TNRC18: variants seen among roughly 807,000 people sequenced by gnomAD.
TNRC18 encodes the protein trinucleotide repeat containing 18, also known as trinucleotide repeat-containing gene 18 protein.
TNRC18 carries 69 observed loss-of-function variants against 226.7 expected under a neutral mutation model. The observed-to-expected ratio is 0.30, with a 90% CI of 0.25 to 0.37. The LOEUF is 0.37. Ranked by LOEUF, TNRC18 falls within the 10% of genes least tolerant of loss-of-function variation. The probability of loss-of-function intolerance (pLI) is 1.00; values close to 1 mark genes in which losing one functional copy is unlikely to be tolerated. For synonymous variants in TNRC18, 2,449 were observed against 1,927.6 expected (o/e 1.27, Z -7.09); for missense variants, 4,754 against 4,256.6 (o/e 1.12, Z -3.25).
chr7:5,372,233 AATTT>A (rs1044450416), intron 10 of TNRC18, among the ~76,000 whole-genome samples: 4 of 148,922 alleles, frequency 2.7e-5, no homozygotes, highest in African/African-American at 7.6e-5. Flanking sequence ...ATGCCTGGCT[AATTT>A]TTTTTTTTTT....
intron 2 of TNRC18, chr7:5,420,756 C>T (rs1450920583): frequency 1.6e-6 from 1 of 624,820 alleles, no homozygotes; most frequent in Non-Finnish European, 3.0e-6. Context: ...AAAACTCCAG[C>T]CCAGGCTCGT....
chr7:5,308,053 G>C lies in TNRC18; in HGVS notation c.*53C>G. 6.7e-7 allele frequency: 1 copy of C among 1,496,910 alleles called. No individual in the cohort carries two copies. The highest frequency in any genetic ancestry group is 1.4e-5 in the African/African-American group (1 of 71,906). 92.7% of individuals were successfully genotyped at this position (1,496,910 alleles called of 1,614,324 possible). ...GTCTCCGCGCCATGGCAGTGATGGA[G>C]ATGGGTCCCTGGCCGCCCTCGGGGC... is the stretch of plus-strand genomic sequence containing the variant. On this transcript the variant is annotated 3_prime_UTR_variant, in exon 30 of 30. Coordinates refer to ENST00000430969, the MANE Select transcript of TNRC18 (RefSeq NM_001080495.3).
Position 5,307,968 on chromosome 7 carries a change from GTGCACACCTGGCCCCA to G in TNRC18, c.*122_*137del, listed in dbSNP as rs1405746431. Reference sequence around the variant, plus strand: ...CACACACACTCACCCGGGCATCCACGTGCACACCTGGCCCCATGCACACGCCTGCAGGAGCGCTCGC... The same window carrying G: ...CACACACACTCACCCGGGCATCCACGTGCACACGCCTGCAGGAGCGCTCGC... On this transcript the variant is annotated 3_prime_UTR_variant, in exon 30 of 30. Coordinates refer to ENST00000430969, the MANE Select transcript of TNRC18 (RefSeq NM_001080495.3). 5 of 753,962 alleles carry G rather than the reference GTGCACACCTGGCCCCA, an allele frequency of 6.6e-6. No homozygotes were observed. The highest frequency in any genetic ancestry group is 1.8e-5 in the South Asian group (1 of 56,868). 46.7% of individuals were successfully genotyped at this position (753,962 alleles called of 1,614,324 possible).
chr7:5,320,764 T>C, intron 22 of TNRC18, 157 bp from the exon 23 acceptor site: 1 of 679,946 alleles, frequency 1.5e-6, no homozygotes, highest in East Asian at 2.7e-5. Context: ...CCCCCTTTTC[T>C]GGGTTCATTT....
chr7:5,388,493 G>A lies in TNRC18; in HGVS notation c.1331C>T (p.Ala444Val), dbSNP rs1283279676. The A allele has an allele frequency of 7.4e-7, 1 of 1,351,144 alleles. No individual in the cohort carries two copies. The allele number at this position is 1,351,144 out of a possible 1,614,324, so 83.7% of individuals were successfully genotyped here. ...GGCGCGTGTGGCCCGCACCGTGGGG[G>A]CATCCGCGGGGGGCGGCCGCTTGAG... ...RSLKRPPPAD[A>V]PTVRATRASP... Residue 444 changes from alanine (A) to valine (V), a missense_variant, in exon 5 of 30, where the codon GCC (alanine) becomes GTC (valine). Coordinates refer to ENST00000430969, the MANE Select transcript of TNRC18 (RefSeq NM_001080495.3).
rs959181818 is a variant in TNRC18 at position 5,327,407 on chromosome 7, G to C, written c.6148-2159C>G. Among the ~76,000 whole-genome samples the C allele has an allele frequency of 6.9e-3, 970 of 141,444 alleles. 12 individuals carry two copies. Among genetic ancestry groups the C allele is most frequent in the African/African-American group, 0.023 (898 of 38,336 alleles). 92.8% of individuals were successfully genotyped at this position (141,444 alleles called of 152,430 possible). On this transcript the variant is annotated intron_variant, in intron 19 of 29. Transcript: ENST00000430969. The stretch of plus-strand genomic sequence containing the variant: ...TGTGTGTGTGTGTGTGTGTGTGTGT[G>C]TGTGTCTGTGTGTTTTATTTTCTTG...
Position 5,377,141 on chromosome 7 carries a change from G to T in TNRC18, c.2462-148C>A. On this transcript the variant is annotated intron_variant, in intron 7 of 29. Coordinates refer to ENST00000430969, the MANE Select transcript of TNRC18 (RefSeq NM_001080495.3). The surrounding 1 kb of genome is among the most constrained non-coding windows in gnomAD (Gnocchi z 5.8). Reference sequence around the variant, plus strand: ...CAAGGGACAGGGGTGCTGGCTGGCTGCAAAGAGCACCCCAGAGCCACCCGC... The same window carrying T: ...CAAGGGACAGGGGTGCTGGCTGGCTTCAAAGAGCACCCCAGAGCCACCCGC... 7.8e-7 allele frequency: 1 copy of T among 1,283,330 alleles called. No individual in the cohort carries two copies. Among genetic ancestry groups the T allele is most frequent in the Non-Finnish European group, 1.1e-6 (1 of 943,880 alleles). The allele number at this position is 1,283,330 out of a possible 1,614,324, so 79.5% of individuals were successfully genotyped here.
intron 5 of TNRC18, among the ~76,000 whole-genome samples, chr7:5,384,891 C>T (rs926163263): frequency 3.3e-5 from 5 of 152,254 alleles, no homozygotes; most frequent in African/African-American, 1.2e-4. Context: ...AGTCAGTCAA[C>T]AAACACTCAC....
At chr7:5,356,588 C>T (rs896464130) in intron 16 of TNRC18, among the ~76,000 whole-genome samples, 22 of 152,236 alleles carry the variant, frequency 1.4e-4, no homozygotes, top group African/African-American at 4.6e-4. Flanking sequence ...AAGGCTTCCT[C>T]GCCTATGACA....
At position 5,377,312 on chromosome 7, in the gene TNRC18, A is replaced by ACCCCCCCCCCCCCCCC; in HGVS notation, c.2461+58_2461+59insGGGGGGGGGGGGGGGG. Reference sequence around the variant, plus strand: ...AGCCAGCCCTGAGCTCTTGTCCTGCACCCGCCCCCTCCCACCCCTCCCTCA... The same window carrying ACCCCCCCCCCCCCCCC: ...AGCCAGCCCTGAGCTCTTGTCCTGCACCCCCCCCCCCCCCCCCCCGCCCCCTCCCACCCCTCCCTCA... On this transcript the variant is annotated intron_variant, in intron 7 of 29. Coordinates refer to ENST00000430969, the MANE Select transcript of TNRC18 (RefSeq NM_001080495.3). The surrounding 1 kb of genome is among the most constrained non-coding windows in gnomAD (Gnocchi z 5.8). The ACCCCCCCCCCCCCCCC allele has an allele frequency of 3.9e-6, 5 of 1,295,722 alleles. No homozygotes were observed. Among genetic ancestry groups the ACCCCCCCCCCCCCCCC allele is most frequent in the South Asian group, 1.5e-5 (1 of 68,304 alleles). The allele number at this position is 1,295,722 out of a possible 1,614,324, so 80.3% of individuals were successfully genotyped here.
chr7:5,322,283 A>AATCATAATCATCATC (rs1554271896), intron 21 of TNRC18, among the ~76,000 whole-genome samples: 4 of 149,390 alleles, frequency 2.7e-5, no homozygotes, highest in African/African-American at 4.9e-5. Context: ...CCGTCTCAAT[A>AATCATAATCATCATC]ATCATCATCA....
At chr7:5,333,905 G>C (rs115028846) in intron 18 of TNRC18, among the ~76,000 whole-genome samples, 264 of 152,282 alleles carry the variant, frequency 1.7e-3, no homozygotes, top group African/African-American at 5.6e-3. Flanking sequence ...GCTTATCCCA[G>C]CCTGCCCTGA....
intron 21 of TNRC18, among the ~76,000 whole-genome samples, chr7:5,323,184 G>T (rs1419391202): frequency 6.6e-6 from 1 of 152,058 alleles, no homozygotes; most frequent in Admixed American, 6.5e-5. Context: ...TGGGGCGGCC[G>T]ACTCCTTCTC....
At chr7:5,412,777 T>A (rs1781927832) in intron 2 of TNRC18, among the ~76,000 whole-genome samples, 1 of 152,170 alleles carries the variant, frequency 6.6e-6, no homozygotes, top group Admixed American at 6.5e-5. Flanking sequence ...AGCAGTGTTC[T>A]ATCTGGGGAT....
intron 13 of TNRC18, 24 bp downstream of exon 13, chr7:5,361,873 G>T (rs762534859): frequency 3.3e-6 from 5 of 1,527,856 alleles, no homozygotes; most frequent in East Asian, 4.9e-5. Context: ...GGGGCCCCAC[G>T]GGGCGGGCGG....
Position 5,352,099 on chromosome 7 carries a change from A to G in TNRC18, c.5195-5T>C, listed in dbSNP as rs752170624. Reference sequence around the variant, plus strand: ...CGTCTTCCTCTGAGTCCGTATCTGCAGTCAAAGTAGTTTTTAATAGAGATA... The same window carrying G: ...CGTCTTCCTCTGAGTCCGTATCTGCGGTCAAAGTAGTTTTTAATAGAGATA... On this transcript the variant is annotated splice_region_variant and splice_polypyrimidine_tract_variant and intron_variant, in intron 16 of 29. Coordinates refer to ENST00000430969, the MANE Select transcript of TNRC18 (RefSeq NM_001080495.3). 3.8e-6 allele frequency: 6 copies of G among 1,592,528 alleles called. No homozygotes were observed. The highest frequency in any genetic ancestry group is 4.3e-6 in the Non-Finnish European group (5 of 1,168,822).
chr7:5,410,592 G>A (rs372632510), intron 2 of TNRC18, among the ~76,000 whole-genome samples: 15 of 152,094 alleles, frequency 9.9e-5, no homozygotes, highest in East Asian at 5.8e-4. Flanking sequence ...GTGGCCAGGC[G>A]GAGTGGCTCA....
At chr7:5,341,418 CAAAA>C (rs35407523) in intron 18 of TNRC18, among the ~76,000 whole-genome samples, 3 of 85,090 alleles carry the variant, frequency 3.5e-5, no homozygotes, top group African/African-American at 4.9e-5. Context: ...GACTCCATCT[CAAAA>C]AAAAAAAAAA....
At chr7:5,346,483 T>C (rs1361208238) in intron 17 of TNRC18, among the ~76,000 whole-genome samples, 1 of 151,524 alleles carries the variant, frequency 6.6e-6, no homozygotes, top group Non-Finnish European at 1.5e-5. Context: ...GTGACAAGAG[T>C]GAGACTCAGT....
Sources: gnomAD v4.1 joint callset for allele counts (sites outside exome capture counted in the v4.1 genomes callset) on GRCh38, gnomAD v4.1.1 for gene constraint, Gnocchi (gnomAD v3.1) non-coding constraint, MANE v1.5 for transcripts, NCBI Gene and HGNC (gene_info 2026-07-23, HGNC 2026-07-21) for gene names.